TAFA2: variants seen among roughly 807,000 people sequenced by gnomAD.
TAFA2 encodes TAFA chemokine like family member 2, also known as chemokine-like protein TAFA-2.
TAFA2 carries 7 observed loss-of-function variants against 18.8 expected under a neutral mutation model. That is an observed-to-expected ratio of 0.37 (90% CI 0.21 to 0.70). The LOEUF (loss-of-function observed/expected upper bound fraction) is 0.70. Among genes scored for constraint, TAFA2 ranks in the 30% least tolerant of loss-of-function variants. The probability of loss-of-function intolerance (pLI) is 0.53; values close to 1 mark genes in which losing one functional copy is unlikely to be tolerated. For missense variants in TAFA2, 122 were observed against 158.1 expected, an observed-to-expected ratio of 0.77 and a Z score of 1.23; for synonymous variants, 60 against 54.2, an observed-to-expected ratio of 1.11 and a Z score of -0.47.
intron 2 of TAFA2, among the ~76,000 whole-genome samples, chr12:61,830,901 G>A (rs540320959): frequency 4.6e-5 from 7 of 151,832 alleles, no homozygotes; most frequent in Non-Finnish European, 1.0e-4. Context: ...TATGTATTTA[G>A]TGAAACTTTA....
intron 4 of TAFA2, among the ~76,000 whole-genome samples, chr12:61,743,511 C>T (rs1253548281): frequency 1.3e-5 from 2 of 152,040 alleles, no homozygotes; most frequent in Non-Finnish European, 2.9e-5. Flanking sequence ...TTTACATTTG[C>T]CTCTTTTCTT....
chr12:62,080,970 G>A (rs563705206), intron 1 of TAFA2, among the ~76,000 whole-genome samples: 6 of 152,106 alleles, frequency 3.9e-5, no homozygotes, highest in Non-Finnish European at 7.4e-5. Context: ...CAAGGCGGGC[G>A]GATCACGAGG....
intron 1 of TAFA2, among the ~76,000 whole-genome samples, chr12:62,119,789 T>A (rs1870113764): frequency 6.6e-6 from 1 of 152,028 alleles, no homozygotes; most frequent in South Asian, 2.1e-4. Context: ...AGCAAAAGGG[T>A]TTGGCCGGGC....
intron 1 of TAFA2, among the ~76,000 whole-genome samples, chr12:61,912,465 A>T (rs1312832593): frequency 6.6e-6 from 1 of 152,230 alleles, no homozygotes; most frequent in Non-Finnish European, 1.5e-5. Context: ...ATACAAATAT[A>T]TGTGGCTCAT....
chr12:62,152,888 G>A (rs927410018), intron 1 of TAFA2, among the ~76,000 whole-genome samples: 3 of 152,188 alleles, frequency 2.0e-5, no homozygotes, highest in African/African-American at 7.2e-5. Context: ...ACAAAAAGCT[G>A]CCAAGGTATT....
At chr12:62,105,115 G>T (rs912595228) in intron 1 of TAFA2, among the ~76,000 whole-genome samples, 10 of 151,540 alleles carry the variant, frequency 6.6e-5, no homozygotes, top group African/African-American at 2.4e-4. Flanking sequence ...ACTTTTATTT[G>T]TCCTTACACC....
intron 1 of TAFA2, among the ~76,000 whole-genome samples, chr12:62,175,024 C>T (rs537192991): frequency 8.5e-5 from 13 of 152,202 alleles, no homozygotes; most frequent in East Asian, 1.9e-4. Context: ...CCACATACAA[C>T]GATTGAATTA....
rs543551616 is a variant in TAFA2 at position 61,804,461 on chromosome 12, T to TA, written c.107-49438dup. Among the ~76,000 whole-genome samples, 4 of 152,096 alleles carry TA rather than the reference T, an allele frequency of 2.6e-5. No individual in the cohort carries two copies. In the South Asian group the frequency reaches 8.3e-4, roughly 31 times the overall value. On this transcript the variant is annotated intron_variant, in intron 2 of 4. Transcript: ENST00000416284. ...GATCATCTTCAAGAGAAAGGCAAAA[T>TA]AAGAGTACTTCAACTAGCTCCTACT...
In TAFA2 at chr12:62,217,613, A is replaced by G. The variant is rs566408154; in HGVS notation, c.-130+41150T>C. Among the ~76,000 whole-genome samples the G allele has an allele frequency of 8.6e-4, 131 of 152,346 alleles. 2 individuals carry two copies. Among genetic ancestry groups the G allele is most frequent in the African/African-American group, 2.9e-3 (122 of 41,586 alleles). ...CAGTGACTGATCCAGATGTAAAGTT[A>G]TAAGGCCCAGCCCTTCCTTCAAAGT... On this transcript the variant is annotated intron_variant, in intron 1 of 5. Transcript: ENST00000551619.
At chr12:62,186,445 T>C (rs559038686) in intron 1 of TAFA2, among the ~76,000 whole-genome samples, 168 of 152,306 alleles carry the variant, frequency 1.1e-3, no homozygotes, top group African/African-American at 3.9e-3. Flanking sequence ...CTGGTTCTCT[T>C]CATTTTGTCA....
At chr12:62,005,307 A>G (rs1880511146) in intron 1 of TAFA2, among the ~76,000 whole-genome samples, 1 of 152,118 alleles carries the variant, frequency 6.6e-6, no homozygotes, top group South Asian at 2.1e-4. Context: ...TATATACACA[A>G]TATAAATGAA....
chr12:61,862,073 T>A (rs1874153509), intron 2 of TAFA2, among the ~76,000 whole-genome samples: 1 of 152,138 alleles, frequency 6.6e-6, no homozygotes, highest in Admixed American at 6.5e-5. Context: ...TCTCCAGAAA[T>A]CTAGTTTGGA....
upstream of TAFA2, among the ~76,000 whole-genome samples, chr12:62,195,900 T>A (rs1392804187): frequency 1.3e-5 from 2 of 152,226 alleles, no homozygotes; most frequent in Non-Finnish European, 2.9e-5. Context: ...AGCCAGGCAC[T>A]GACTTCTCTC....
chr12:61,932,432 C>A (rs1877595867), intron 1 of TAFA2, among the ~76,000 whole-genome samples: 1 of 152,140 alleles, frequency 6.6e-6, no homozygotes, highest in African/African-American at 2.4e-5. Context: ...CAAGGAGAGG[C>A]ATAATATCAT....
intron 4 of TAFA2, among the ~76,000 whole-genome samples, chr12:61,713,993 T>A (rs1416962952): frequency 6.6e-6 from 1 of 152,192 alleles, no homozygotes; most frequent in African/African-American, 2.4e-5. Context: ...TCAAACTGTA[T>A]TTTTTGGAAG....
chr12:62,079,591 G>A (rs777127176), intron 1 of TAFA2, among the ~76,000 whole-genome samples: 1 of 151,588 alleles, frequency 6.6e-6, no homozygotes, highest in African/African-American at 2.4e-5. Context: ...TTGAACCAGG[G>A]AAGTAGAGGT....
chr12:61,741,062 G>T (rs1592357814), intron 4 of TAFA2, among the ~76,000 whole-genome samples: 1 of 152,018 alleles, frequency 6.6e-6, no homozygotes, highest in African/African-American at 2.4e-5. Flanking sequence ...GGCTGATTTT[G>T]CTAAAACTAA....
At chr12:61,835,042 C>T (rs1845343418) in intron 2 of TAFA2, among the ~76,000 whole-genome samples, 1 of 151,922 alleles carries the variant, frequency 6.6e-6, no homozygotes, top group African/African-American at 2.4e-5. Flanking sequence ...GTCTGGACTG[C>T]TTTCTGCTCT....
At chr12:62,026,525 C>T (rs192413727) in intron 1 of TAFA2, among the ~76,000 whole-genome samples, 3 of 152,256 alleles carry the variant, frequency 2.0e-5, no homozygotes, top group Admixed American at 1.3e-4. Context: ...TCCAGCTCAA[C>T]TTGACCTTTC....
Sources: allele counts gnomAD v4.1 joint callset (sites outside exome capture counted in the v4.1 genomes callset), GRCh38; gene constraint gnomAD v4.1.1; transcripts MANE v1.5; gene names NCBI Gene and HGNC (gene_info 2026-07-23, HGNC 2026-07-21).